Variants in HEMK2 observed in about 807,000 individuals in gnomAD.
HEMK2 encodes the protein HemK methyltransferase 2, ETF1 glutamine and histone H4 lysine.
chr21:28,880,618 C>T, the HEMK2 span, among the ~76,000 whole-genome samples: 1 of 151,974 alleles, frequency 6.6e-6, no homozygotes, highest in Admixed American at 6.6e-5. Context: ...TGGTGGGTGC[C>T]TGTAATCCCA....
chr21:28,807,123 C>T, the HEMK2 span, among the ~76,000 whole-genome samples: 1 of 152,204 alleles, frequency 6.6e-6, no homozygotes, highest in Non-Finnish European at 1.5e-5. Flanking sequence ...ATCATTACCA[C>T]TTCCCGAGCT....
the HEMK2 span, among the ~76,000 whole-genome samples, chr21:28,648,823 T>C: frequency 6.6e-6 from 1 of 152,186 alleles, no homozygotes; most frequent in Non-Finnish European, 1.5e-5. Flanking sequence ...TTAGGGTACA[T>C]GTGCACAACG....
the HEMK2 span, among the ~76,000 whole-genome samples, chr21:28,619,332 G>A: frequency 6.6e-6 from 1 of 152,194 alleles, no homozygotes; most frequent in Non-Finnish European, 1.5e-5. Context: ...TGTGCCTTAT[G>A]AGAAGTTATT....
At chr21:28,845,552 C>A in the HEMK2 span, among the ~76,000 whole-genome samples, 1 of 152,030 alleles carries the variant, frequency 6.6e-6, no homozygotes, top group African/African-American at 2.4e-5. Context: ...TATTTCTATT[C>A]AATGTGATAT....
chr21:28,885,244 G>C, the HEMK2 span: 2 of 1,589,298 alleles, frequency 1.3e-6, no homozygotes, highest in African/African-American at 1.3e-5. Context: ...CCTCCAGCGC[G>C]TCCAAAAGCA....
the HEMK2 span, among the ~76,000 whole-genome samples, chr21:28,617,100 C>G: frequency 1.3e-5 from 2 of 152,136 alleles, no homozygotes; most frequent in Non-Finnish European, 2.9e-5. Context: ...TGAAGTACAA[C>G]AAGGCAATAG....
At chr21:28,715,948 T>C in the HEMK2 span, among the ~76,000 whole-genome samples, 1 of 152,310 alleles carries the variant, frequency 6.6e-6, no homozygotes, top group Admixed American at 6.5e-5. Flanking sequence ...ATCAGATGAT[T>C]GTACGCAGGA....
chr21:28,871,871 T>G, the HEMK2 span, among the ~76,000 whole-genome samples: 2 of 152,204 alleles, frequency 1.3e-5, no homozygotes, highest in Non-Finnish European at 2.9e-5. Context: ...AACCTCTGCC[T>G]CTGTCTTCAT....
chr21:28,667,544 G>A, the HEMK2 span, among the ~76,000 whole-genome samples: 1 of 151,490 alleles, frequency 6.6e-6, no homozygotes, highest in Non-Finnish European at 1.5e-5. Flanking sequence ...GCTTTTCTAG[G>A]AGTATTTATG....
the HEMK2 span, among the ~76,000 whole-genome samples, chr21:28,603,910 C>T: frequency 6.6e-6 from 1 of 152,178 alleles, no homozygotes; most frequent in African/African-American, 2.4e-5. Flanking sequence ...CATGTCTACC[C>T]AGAAGTTGGT....
At chr21:28,666,064 T>C in the HEMK2 span, among the ~76,000 whole-genome samples, 6 of 152,206 alleles carry the variant, frequency 3.9e-5, no homozygotes, top group Non-Finnish European at 8.8e-5. Flanking sequence ...CAATTCTAAA[T>C]TGATTATGCA....
At chr21:28,824,205 G>A in the HEMK2 span, among the ~76,000 whole-genome samples, 1 of 152,154 alleles carries the variant, frequency 6.6e-6, no homozygotes, top group African/African-American at 2.4e-5. Flanking sequence ...CATTGTTGTT[G>A]TTGTTGCTGC....
the HEMK2 span, among the ~76,000 whole-genome samples, chr21:28,829,618 G>A: frequency 6.6e-6 from 1 of 152,104 alleles, no homozygotes; most frequent in Non-Finnish European, 1.5e-5. Context: ...CAGGTATTCT[G>A]TTACAGCTGC....
chr21:28,587,276 A>G, the HEMK2 span, among the ~76,000 whole-genome samples: 1 of 151,998 alleles, frequency 6.6e-6, no homozygotes, highest in African/African-American at 2.4e-5. Context: ...TTCCCTTGGA[A>G]GATTCAGTCA....
chr21:28,647,321 TAAAAAAAA>T, the HEMK2 span, among the ~76,000 whole-genome samples: 4 of 46,442 alleles, frequency 8.6e-5, no homozygotes, highest in African/African-American at 3.6e-4. Flanking sequence ...CCATCTCTAC[TAAAAAAAA>T]AAAAAAAAAA....
chr21:28,733,876 C>G, the HEMK2 span, among the ~76,000 whole-genome samples: 6 of 152,378 alleles, frequency 3.9e-5, no homozygotes, highest in South Asian at 6.2e-4. Context: ...CTCCCCACCC[C>G]CTTCCCAGCA....
At chr21:28,840,990 GATAC>G in the HEMK2 span, among the ~76,000 whole-genome samples, 4 of 106,054 alleles carry the variant, frequency 3.8e-5, no homozygotes, top group South Asian at 1.0e-3. Context: ...CACTGTGATA[GATAC>G]ATATATATAT....
chr21:28,736,969 T>C, the HEMK2 span, among the ~76,000 whole-genome samples: 4 of 152,274 alleles, frequency 2.6e-5, no homozygotes, highest in Admixed American at 2.0e-4. Flanking sequence ...CCCTTCCATA[T>C]ATAAAATTTG....
the HEMK2 span, among the ~76,000 whole-genome samples, chr21:28,781,930 G>A: frequency 6.6e-6 from 1 of 152,202 alleles, no homozygotes; most frequent in Non-Finnish European, 1.5e-5. Context: ...GGGCTTAGAG[G>A]TTACCTCCAG....
Sources: allele counts gnomAD v4.1 joint callset (sites outside exome capture counted in the v4.1 genomes callset), GRCh38; gene constraint gnomAD v4.1.1; transcripts MANE v1.5; gene names NCBI Gene and HGNC (gene_info 2026-07-23, HGNC 2026-07-21).